The following DNAI7 variants were observed in gnomAD, a reference collection of about 807,000 sequenced individuals.
The protein encoded by DNAI7 is dynein axonemal intermediate chain 7.
Under a neutral mutation model 86.6 loss-of-function variants are expected in DNAI7, and 78 were observed. The ratio of observed to expected loss-of-function variants is 0.90; its 90% CI spans 0.75 to 1.09. The LOEUF (loss-of-function observed/expected upper bound fraction) is 1.09. Ranked by LOEUF, DNAI7 falls within the 50% of genes least tolerant of loss-of-function variation. The pLI, the probability that DNAI7 is intolerant of heterozygous loss-of-function variation, is 0.00. For missense variants in DNAI7, 753 were observed against 810.2 expected (o/e 0.93, Z 0.86); for synonymous variants, 274 against 273.0 (o/e 1.00, Z -0.04).
chr12:25,183,130 A>G (rs1949714732), intron 2 of DNAI7, among the ~76,000 whole-genome samples: 1 of 152,166 alleles, frequency 6.6e-6, no homozygotes, highest in African/African-American at 2.4e-5. Context: ...TAAGTGAATT[A>G]AAGCAGAAAC....
chr12:25,153,817 T>C (rs942473122), intron 6 of DNAI7, among the ~76,000 whole-genome samples: 14 of 152,064 alleles, frequency 9.2e-5, no homozygotes, highest in African/African-American at 2.7e-4. Context: ...TAGTTTTTTT[T>C]CCCCCAGTAT....
intron 2 of DNAI7, among the ~76,000 whole-genome samples, chr12:25,174,404 TGGGATATATGG>T (rs1565810569): frequency 0.012 from 4 of 340 alleles, 1 homozygote; most frequent in African/African-American, 0.032. Flanking sequence ...ATCATATATA[TGGGATATATGG>T]GATATATATA....
chr12:25,155,787 G>A (rs1461160227), intron 4 of DNAI7, among the ~76,000 whole-genome samples: 1 of 152,208 alleles, frequency 6.6e-6, no homozygotes, highest in Non-Finnish European at 1.5e-5. Context: ...TAGGGGGAGA[G>A]GTGAAGGGAA....
At chr12:25,153,378 G>A (rs888318978) in intron 6 of DNAI7, among the ~76,000 whole-genome samples, 18 of 152,130 alleles carry the variant, frequency 1.2e-4, no homozygotes, top group African/African-American at 4.3e-4. Flanking sequence ...CCGAGATCAC[G>A]CCACTGCACT....
At chr12:25,120,401 A>C (rs1256428499) in intron 11 of DNAI7, among the ~76,000 whole-genome samples, 5 of 151,042 alleles carry the variant, frequency 3.3e-5, no homozygotes, top group African/African-American at 1.2e-4. Context: ...TTCTATGGGA[A>C]GCAAGCCACC....
downstream of DNAI7, chr12:25,107,085 G>A (rs117030294): frequency 4.0e-5 from 49 of 1,236,884 alleles, no homozygotes; most frequent in Middle Eastern, 3.8e-4. Context: ...TACCATTTTA[G>A]TGGAATGGGA....
At position 25,153,917 on chromosome 12, in the gene DNAI7, T is replaced by C. The variant is rs142731362; in HGVS notation, c.438+402A>G. Among the ~76,000 whole-genome samples, 528 of 152,330 alleles carry C rather than the reference T, an allele frequency of 3.5e-3. 3 individuals are homozygous for C. The highest frequency in any genetic ancestry group is 0.012 in the African/African-American group (507 of 41,588). The stretch of plus-strand genomic sequence containing the variant: ...AAGTTAGAATATTCTGATTTGTCTT[T>C]GTACCCCCACTGTCTAACAGAGTGT... On this transcript the variant is annotated intron_variant, in intron 6 of 15. Transcript: ENST00000395987.
At chr12:25,179,549 G>GT (rs1949301122) in intron 2 of DNAI7, among the ~76,000 whole-genome samples, 1 of 151,984 alleles carries the variant, frequency 6.6e-6, no homozygotes, top group East Asian at 1.9e-4. Flanking sequence ...TCAAGGCTTT[G>GT]TAAGTAGGTA....
chr12:25,124,592 C>G (rs774382143), intron 9 of DNAI7, among the ~76,000 whole-genome samples: 89 of 152,176 alleles, frequency 5.8e-4, no homozygotes, highest in Admixed American at 2.0e-3. Context: ...CCTCTCTTAC[C>G]TAAAGGTAGT....
chr12:25,170,160 G>A (rs955891562), intron 2 of DNAI7, among the ~76,000 whole-genome samples: 2 of 152,012 alleles, frequency 1.3e-5, no homozygotes, highest in East Asian at 3.9e-4. Context: ...GGAGGCTGAG[G>A]GGGGTGAATC....
chr12:25,110,263 A>T lies in DNAI7; in HGVS notation c.1780-23T>A, dbSNP rs754364890. The T allele has an allele frequency of 4.4e-6, 6 of 1,365,144 alleles. No individual in the cohort carries two copies. In the African/African-American group the frequency reaches 8.6e-5, roughly 20 times the overall value. The allele number at this position is 1,365,144 out of a possible 1,614,324, so 84.6% of individuals were successfully genotyped here. ...AACCTGTCAATATAAAAACAAATAG[A>T]ATTGATCTTTGAGCCTCCCAACAAG... On this transcript the variant is annotated intron_variant, in intron 14 of 15. Transcript: ENST00000395987.
intron 6 of DNAI7, among the ~76,000 whole-genome samples, chr12:25,153,595 A>G (rs1386506599): frequency 6.6e-6 from 1 of 152,130 alleles, no homozygotes; most frequent in East Asian, 1.9e-4. Flanking sequence ...CTCTGGTTCA[A>G]CTTACCACCT....
chr12:25,164,618 A>T (rs1382875076), intron 2 of DNAI7, among the ~76,000 whole-genome samples: 1 of 152,206 alleles, frequency 6.6e-6, no homozygotes, highest in Non-Finnish European at 1.5e-5. Context: ...GTCACAAAAT[A>T]GGCAAACGGT....
At chr12:25,113,722 C>A (rs1939458979) in intron 13 of DNAI7, among the ~76,000 whole-genome samples, 1 of 152,068 alleles carries the variant, frequency 6.6e-6, no homozygotes, top group Admixed American at 6.6e-5. Context: ...TCATAAAATT[C>A]ACCTATTTCA....
At chr12:25,153,812 T>A (rs989537530) in intron 6 of DNAI7, among the ~76,000 whole-genome samples, 1 of 152,238 alleles carries the variant, frequency 6.6e-6, no homozygotes, top group African/African-American at 2.4e-5. Context: ...TAAATTAGTT[T>A]TTTTTCCCCC....
intron 9 of DNAI7, among the ~76,000 whole-genome samples, chr12:25,138,272 G>A (rs1009343452): frequency 5.9e-5 from 9 of 152,000 alleles, no homozygotes; most frequent in Admixed American, 3.3e-4. Context: ...GAGACCAGCC[G>A]GGCCAAATGG....
chr12:25,190,457 G>A (rs952618121), intron 2 of DNAI7, among the ~76,000 whole-genome samples, 157 bp downstream of exon 2: 7 of 152,042 alleles, frequency 4.6e-5, no homozygotes, highest in Non-Finnish European at 5.9e-5. Flanking sequence ...TGTTGTAAAG[G>A]ATTATTCCAT....
intron 9 of DNAI7, among the ~76,000 whole-genome samples, chr12:25,135,166 G>A (rs888759183): frequency 2.0e-5 from 3 of 152,146 alleles, no homozygotes; most frequent in African/African-American, 7.2e-5. Context: ...AAGTGTGAGG[G>A]GGGATAATCT....
intron 2 of DNAI7, among the ~76,000 whole-genome samples, chr12:25,174,553 T>TATATATCATATATAAGGG (rs1948682505): frequency 2.4e-5 from 1 of 41,650 alleles, no homozygotes; most frequent in Non-Finnish European, 4.3e-5. Flanking sequence ...ATATATATGA[T>TATATATCATATATAAGGG]ATATATATCA....
Sources: allele counts gnomAD v4.1 joint callset (sites outside exome capture counted in the v4.1 genomes callset), GRCh38; gene constraint gnomAD v4.1.1; transcripts MANE v1.5; gene names NCBI Gene and HGNC (gene_info 2026-07-23, HGNC 2026-07-21).